ESR1: variants seen among roughly 807,000 people sequenced by gnomAD.
The protein encoded by ESR1 is estrogen receptor.
Under a neutral mutation model 52.7 loss-of-function variants are expected in ESR1, and 12 were observed. The observed-to-expected ratio is 0.23, with a 90% CI of 0.15 to 0.37. The LOEUF is 0.37. Ranked by LOEUF, ESR1 falls within the 10% of genes least tolerant of loss-of-function variation. The pLI is 1.00. For synonymous variants in ESR1, 305 were observed against 316.8 expected (o/e 0.96, Z 0.39); for missense variants, 584 against 779.7 (o/e 0.75, Z 2.99).
At position 151,703,417 on chromosome 6, in the gene ESR1, C is replaced by T. The variant is rs545358366; in HGVS notation, c.-71+1412C>T. The stretch of plus-strand genomic sequence containing the variant: ...GACTGCAGGCTGTTTAGAAGCACCC[C>T]GCCCCGTGAAACTCCTCTGGCTTAG... On this transcript the variant is annotated intron_variant, in intron 2 of 2. Transcript: ENST00000404742. Among the ~76,000 whole-genome samples, 14 of 152,224 alleles carry T rather than the reference C, an allele frequency of 9.2e-5. No individual in the cohort carries two copies. The East Asian group carries it at 1.5e-3, about 17-fold the overall frequency.
intron 1 of ESR1, among the ~76,000 whole-genome samples, chr6:151,695,061 T>A (rs1424889546): frequency 6.6e-6 from 1 of 152,138 alleles, no homozygotes; most frequent in Non-Finnish European, 1.5e-5. Context: ...ATGGTGGTAA[T>A]CCTCTTCTGG....
chr6:152,028,274 C>G (rs377717096), intron 5 of ESR1, among the ~76,000 whole-genome samples: 4 of 152,208 alleles, frequency 2.6e-5, no homozygotes, highest in Non-Finnish European at 5.9e-5. Flanking sequence ...GTTCATCTCA[C>G]TGGGGACTAT....
intron 4 of ESR1, among the ~76,000 whole-genome samples, chr6:151,993,897 G>A (rs2128722188): frequency 6.6e-6 from 1 of 152,232 alleles, no homozygotes; most frequent in South Asian, 2.1e-4. Context: ...AGATGAAGCA[G>A]TATGAGGAAT....
intron 3 of ESR1, among the ~76,000 whole-genome samples, chr6:151,913,051 C>T (rs1318598058): frequency 2.0e-5 from 3 of 151,422 alleles, no homozygotes; most frequent in Non-Finnish European, 1.5e-5. Context: ...CAAACCTGCA[C>T]GTTCTGCACA....
At chr6:152,116,720 T>C (rs1357049265) in intron 6 of ESR1, among the ~76,000 whole-genome samples, 1 of 151,520 alleles carries the variant, frequency 6.6e-6, no homozygotes, top group Non-Finnish European at 1.5e-5. Context: ...TTATAGTACA[T>C]ACTTATATAT....
At chr6:151,665,507 G>C (rs946820039) in intron 1 of ESR1, among the ~76,000 whole-genome samples, 1 of 152,186 alleles carries the variant, frequency 6.6e-6, no homozygotes, top group African/African-American at 2.4e-5. Context: ...AGCAAGTGAA[G>C]CTCTGTCAAT....
chr6:151,682,456 C>A (rs1395968835), intron 1 of ESR1, among the ~76,000 whole-genome samples: 1 of 152,050 alleles, frequency 6.6e-6, no homozygotes, highest in Non-Finnish European at 1.5e-5. Context: ...CTGAGTAGAC[C>A]TAAAGTTTTG....
At chr6:151,928,547 A>G (rs1210501187) in intron 3 of ESR1, among the ~76,000 whole-genome samples, 2 of 152,090 alleles carry the variant, frequency 1.3e-5, no homozygotes, top group Non-Finnish European at 2.9e-5. Context: ...ATAATAAATC[A>G]AACCATCTTA....
intron 2 of ESR1, among the ~76,000 whole-genome samples, chr6:151,763,434 G>A (rs1301918282): frequency 6.6e-6 from 1 of 152,218 alleles, no homozygotes; most frequent in Non-Finnish European, 1.5e-5. Flanking sequence ...TTACTAGCCA[G>A]TGTTGAAAAT....
intron 2 of ESR1, among the ~76,000 whole-genome samples, chr6:151,732,502 G>C (rs953234808): frequency 4.0e-5 from 6 of 151,076 alleles, no homozygotes; most frequent in Non-Finnish European, 8.8e-5. Context: ...TCGGTAAATA[G>C]GGTTCCTTTA....
chr6:152,098,642 GT>G lies in ESR1; in HGVS notation c.1554-88del. On this transcript the variant is annotated intron_variant, in intron 7 of 7. Transcript: ENST00000206249. This position sits in a 1 kb window ranked among gnomAD's most constrained non-coding sequence, Gnocchi z 5.1. ...AGAAAGATTGCTAAGTGTCTTTGGA[GT>G]TCCTCTTCCTTCCCCTTCTAGGGAT... is the stretch of plus-strand genomic sequence containing the variant. 2.0e-6 allele frequency: 2 copies of G among 1,022,206 alleles called. No homozygotes were observed. Among genetic ancestry groups the G allele is most frequent in the South Asian group, 2.7e-5 (2 of 73,780 alleles). The allele number at this position is 1,022,206 out of a possible 1,614,324, so 63.3% of individuals were successfully genotyped here. A position where few individuals can be genotyped will look rare whatever the true frequency, so the allele number is the denominator to read the frequency against.
At chr6:151,801,051 G>GGTGTGTGTGT (rs3062689), upstream of ESR1, among the ~76,000 whole-genome samples, 3,656 of 147,668 alleles carry the variant, frequency 0.025, 140 homozygotes, top group African/African-American at 0.081. Context: ...TTGATTATGT[G>GGTGTGTGTGT]GTGTGTGTGT....
rs574518626 is a variant in ESR1 at position 151,853,695 on chromosome 6, T to C, written c.643+10908T>C. On this transcript the variant is annotated intron_variant, in intron 2 of 7. Transcript: ENST00000206249. ...TTGAAGGGTAAGCAAAGGTTCCAAATGTTTTTAATCGCTGGTGTTTTTTCT... is the reference window on the plus strand; with the variant it reads ...TTGAAGGGTAAGCAAAGGTTCCAAACGTTTTTAATCGCTGGTGTTTTTTCT... 2.0e-5 allele frequency among the ~76,000 whole-genome samples: 3 copies of C among 152,340 alleles called. No individual in the cohort carries two copies. In the East Asian group the frequency reaches 5.8e-4, roughly 29 times the overall value.
At chr6:151,866,796 G>A (rs139113363) in intron 2 of ESR1, among the ~76,000 whole-genome samples, 19 of 152,206 alleles carry the variant, frequency 1.2e-4, no homozygotes, top group East Asian at 9.6e-4. Flanking sequence ...ATACGTGTGC[G>A]TGTGTTTTTA....
At chr6:152,027,239 A>G (rs1421381642) in intron 5 of ESR1, among the ~76,000 whole-genome samples, 1 of 152,174 alleles carries the variant, frequency 6.6e-6, no homozygotes, top group Non-Finnish European at 1.5e-5. Flanking sequence ...TGCTGGGATT[A>G]CAGGTGTAAG....
intron 5 of ESR1, among the ~76,000 whole-genome samples, chr6:152,019,768 C>T (rs2043470649): frequency 6.6e-6 from 1 of 152,156 alleles, no homozygotes; most frequent in Non-Finnish European, 1.5e-5. Context: ...TTACCGCCAC[C>T]TGTCCATGAT....
At chr6:151,661,264 T>C (rs1173040476) in intron 1 of ESR1, among the ~76,000 whole-genome samples, 1 of 152,218 alleles carries the variant, frequency 6.6e-6, no homozygotes, top group African/African-American at 2.4e-5. Context: ...TTCCATTTTG[T>C]AGTATTTTGA....
chr6:151,985,534 C>A (rs61312974), intron 4 of ESR1, among the ~76,000 whole-genome samples: 9,979 of 89,786 alleles, frequency 0.11, 926 homozygotes, highest in African/African-American at 0.28. Context: ...AAAAAAAAAA[C>A]ACAAACAAAA....
At chr6:151,685,930 G>T (rs1778646716), upstream of ESR1, among the ~76,000 whole-genome samples, 1 of 152,044 alleles carries the variant, frequency 6.6e-6, no homozygotes, top group Non-Finnish European at 1.5e-5. Context: ...TTGGAGATGG[G>T]TCTTACTCTG....
Sources: gnomAD v4.1 joint callset for allele counts (sites outside exome capture counted in the v4.1 genomes callset) on GRCh38, gnomAD v4.1.1 for gene constraint, Gnocchi (gnomAD v3.1) non-coding constraint, MANE v1.5 for transcripts, NCBI Gene and HGNC (gene_info 2026-07-23, HGNC 2026-07-21) for gene names.